DAB1: variants seen among roughly 807,000 people sequenced by gnomAD.
DAB1 encodes the protein disabled homolog 1.
Under a neutral mutation model 64.6 loss-of-function variants are expected in DAB1, and 15 were observed. The observed-to-expected ratio is 0.23, with a 90% CI of 0.16 to 0.36. The LOEUF (loss-of-function observed/expected upper bound fraction) is 0.36, where lower values mean the gene tolerates loss of function less well. Among genes scored for constraint, DAB1 ranks in the 10% least tolerant of loss-of-function variants. The probability of loss-of-function intolerance (pLI) is 1.00; values close to 1 mark genes in which losing one functional copy is unlikely to be tolerated. For missense variants in DAB1, 596 were observed against 706.7 expected (o/e 0.84, Z 1.78); for synonymous variants, 235 against 251.9 (o/e 0.93, Z 0.64).
intron 4 of DAB1, among the ~76,000 whole-genome samples, chr1:57,107,794 G>C (rs562006116): frequency 6.6e-6 from 1 of 152,286 alleles, no homozygotes; most frequent in East Asian, 1.9e-4. Flanking sequence ...CCAGAAAGAA[G>C]CAGGAGCAGC....
chr1:57,363,465 G>T (rs1278569184), intron 1 of DAB1, among the ~76,000 whole-genome samples: 1 of 151,834 alleles, frequency 6.6e-6, no homozygotes, highest in South Asian at 2.1e-4. Flanking sequence ...CCCATTAAAT[G>T]GGGAGCAGGT....
At position 57,976,320 on chromosome 1, in the gene DAB1, T is replaced by C. The variant is rs548786495; in HGVS notation, n.388-92158A>G. ...TCAGTAATAACAGGTTCACCTCCTC[T>C]GTCTCCTTCATTTGAGGGGAAATAT... is the stretch of plus-strand genomic sequence containing the variant. On this transcript the variant is annotated intron_variant and non_coding_transcript_variant, in intron 5 of 20. Transcript: ENST00000485760. 2.6e-5 allele frequency among the ~76,000 whole-genome samples: 4 copies of C among 152,320 alleles called. No individual in the cohort carries two copies. The East Asian group carries it at 7.7e-4, about 29-fold the overall frequency.
intron 1 of DAB1, among the ~76,000 whole-genome samples, chr1:57,405,204 A>C (rs1221916962): frequency 1.3e-5 from 2 of 152,246 alleles, no homozygotes; most frequent in Non-Finnish European, 2.9e-5. Context: ...TCCAGCAAAC[A>C]GCTAAGAACA....
chr1:57,944,691 T>C (rs777317097), intron 5 of DAB1, among the ~76,000 whole-genome samples: 73 of 152,312 alleles, frequency 4.8e-4, no homozygotes, highest in Middle Eastern at 6.8e-3. Flanking sequence ...TAATAGTATC[T>C]CTTCATGTTA....
chr1:58,057,126 T>G (rs975122381), intron 5 of DAB1, among the ~76,000 whole-genome samples: 1 of 152,144 alleles, frequency 6.6e-6, no homozygotes, highest in African/African-American at 2.4e-5. Flanking sequence ...TCTCCCTCTT[T>G]CAAAGGGATT....
intron 3 of DAB1, among the ~76,000 whole-genome samples, chr1:58,419,924 T>A (rs1283479872): frequency 6.6e-6 from 1 of 152,176 alleles, no homozygotes; most frequent in South Asian, 2.1e-4. Flanking sequence ...CCTCCTCCTA[T>A]TGGCCCTCCA....
Position 57,488,513 on chromosome 1 carries a change from C to G in DAB1, n.625+161079G>C, listed in dbSNP as rs543696196. Among the ~76,000 whole-genome samples the G allele has an allele frequency of 4.1e-3, 619 of 151,494 alleles. 2 individuals carry two copies. Among genetic ancestry groups the G allele is most frequent in the African/African-American group, 0.014 (591 of 41,300 alleles). On this transcript the variant is annotated intron_variant and non_coding_transcript_variant, in intron 7 of 20. Transcript: ENST00000485760. ...CCAACATGGAGAAACCCCATCTCTA[C>G]TAAAAATACAAAATTAGCCGGGTGT...
intron 3 of DAB1, among the ~76,000 whole-genome samples, chr1:58,452,961 C>T (rs1311437900): frequency 6.6e-6 from 1 of 152,110 alleles, no homozygotes; most frequent in Non-Finnish European, 1.5e-5. Flanking sequence ...AAATCCTGTA[C>T]ATAAATGGTA....
At chr1:58,118,632 T>A (rs938530493) in intron 5 of DAB1, among the ~76,000 whole-genome samples, 2 of 140,550 alleles carry the variant, frequency 1.4e-5, no homozygotes, top group Non-Finnish European at 3.0e-5. Flanking sequence ...AAAATACATA[T>A]ATATATAAAG....
chr1:57,754,835 C>A (rs1648726863), intron 6 of DAB1, among the ~76,000 whole-genome samples: 1 of 152,178 alleles, frequency 6.6e-6, no homozygotes, highest in Admixed American at 6.5e-5. Flanking sequence ...GCCTCCTTTT[C>A]TTTCCCCTGC....
Position 57,585,165 on chromosome 1 carries a change from C to T in DAB1, n.625+64427G>A, listed in dbSNP as rs563469052. Among the ~76,000 whole-genome samples, 97 of 147,232 alleles carry T rather than the reference C, an allele frequency of 6.6e-4. 3 individuals are homozygous for T. In the South Asian group the frequency reaches 0.02, roughly 30 times the overall value. ...TCGGGAGGCTGAGGCAGGAGAATCG[C>T]TCGAACCTGGGAGGCGGAGGGTGCA... On this transcript the variant is annotated intron_variant and non_coding_transcript_variant, in intron 7 of 20. Transcript: ENST00000485760.
chr1:58,056,276 C>T (rs1247618824), intron 5 of DAB1: 4 of 1,346,680 alleles, frequency 3.0e-6, no homozygotes, highest in Middle Eastern at 2.3e-4. Flanking sequence ...TGTAGCTTCA[C>T]ATACAGCTTG....
At chr1:57,794,774 G>T (rs990022768) in intron 6 of DAB1, among the ~76,000 whole-genome samples, 1 of 152,112 alleles carries the variant, frequency 6.6e-6, no homozygotes, top group African/African-American at 2.4e-5. Context: ...CTCCTTGCAG[G>T]TGTTCAAAAA....
chr1:57,744,150 G>A (rs1014624300), intron 6 of DAB1, among the ~76,000 whole-genome samples: 4 of 152,182 alleles, frequency 2.6e-5, no homozygotes, highest in African/African-American at 9.7e-5. Context: ...GGATTTTGGG[G>A]GGCTTGCTCC....
chr1:57,502,653 A>G (rs1193910377), intron 7 of DAB1, among the ~76,000 whole-genome samples: 2 of 152,190 alleles, frequency 1.3e-5, no homozygotes, highest in Non-Finnish European at 2.9e-5. Flanking sequence ...TTAAATGAAT[A>G]AACAAGGTCA....
rs571458529 is a variant in DAB1, at chr1:58,363,917, T to C, written n.258-20514A>G. 2.0e-5 allele frequency among the ~76,000 whole-genome samples: 3 copies of C among 152,326 alleles called. No homozygotes were observed. The South Asian group carries it at 6.2e-4, about 32-fold the overall frequency. On this transcript the variant is annotated intron_variant and non_coding_transcript_variant, in intron 3 of 20. Coordinates refer to the DAB1 transcript ENST00000485760. ...CTGGGGCTTTCCATAGAACAGTGCA[T>C]GGATTGGGTATTAGGTTGGTGCAAC...
intron 5 of DAB1, among the ~76,000 whole-genome samples, chr1:57,935,566 T>G (rs1181614109): frequency 6.6e-6 from 1 of 152,224 alleles, no homozygotes; most frequent in African/African-American, 2.4e-5. Flanking sequence ...AATGCCAACC[T>G]AATTCTGGAT....
chr1:57,152,038 T>C (rs181189544), intron 2 of DAB1, among the ~76,000 whole-genome samples: 24 of 152,288 alleles, frequency 1.6e-4, no homozygotes, highest in Middle Eastern at 6.8e-3. Flanking sequence ...GGTCTCGAAC[T>C]CCTAACCTCA....
intron 7 of DAB1, among the ~76,000 whole-genome samples, chr1:57,521,916 C>T (rs1222464610): frequency 6.6e-6 from 1 of 152,076 alleles, no homozygotes; most frequent in Non-Finnish European, 1.5e-5. Context: ...TCGAGACCAT[C>T]CTGGCCAACA....
Sources: allele counts gnomAD v4.1 joint callset (sites outside exome capture counted in the v4.1 genomes callset), GRCh38; gene constraint gnomAD v4.1.1; transcripts MANE v1.5; gene names NCBI Gene and HGNC (gene_info 2026-07-23, HGNC 2026-07-21).